Variants in GLI3 observed in about 807,000 individuals in gnomAD.
GLI3 encodes GLI family zinc finger 3.
GLI3 carries 20 observed loss-of-function variants against 100.8 expected under a neutral mutation model. That is an observed-to-expected ratio of 0.20 (90% CI 0.14 to 0.29). The LOEUF (loss-of-function observed/expected upper bound fraction) is 0.29. Ranked by LOEUF, GLI3 falls within the 10% of genes least tolerant of loss-of-function variation. GLI3 has a pLI of 1.00. For missense variants in GLI3, 2,040 were observed against 2,128.5 expected, an observed-to-expected ratio of 0.96 and a Z score of 0.82; for synonymous variants, 938 against 860.5, an observed-to-expected ratio of 1.09 and a Z score of -1.58.
At chr7:42,241,685 G>T (rs1196769408), upstream of GLI3, among the ~76,000 whole-genome samples, 1 of 152,188 alleles carries the variant, frequency 6.6e-6, no homozygotes, top group African/African-American at 2.4e-5. Context: ...ATGTAACCCA[G>T]ATGTCTGCTG....
chr7:42,061,186 G>C (rs914679339), intron 4 of GLI3, among the ~76,000 whole-genome samples: 12 of 152,104 alleles, frequency 7.9e-5, no homozygotes, highest in African/African-American at 2.7e-4. Context: ...CTTGGGTCTG[G>C]TGGCAGGTGT....
At chr7:42,083,530 C>T (rs867520757) in intron 3 of GLI3, among the ~76,000 whole-genome samples, 119 of 152,312 alleles carry the variant, frequency 7.8e-4, no homozygotes, top group African/African-American at 2.6e-3. Flanking sequence ...TGCTTTCCCA[C>T]GCCAACAACA....
At chr7:42,110,408 T>C (rs1259774428) in intron 3 of GLI3, among the ~76,000 whole-genome samples, 1 of 152,232 alleles carries the variant, frequency 6.6e-6, no homozygotes, top group Admixed American at 6.5e-5. Flanking sequence ...CTATTATGTG[T>C]CTGCATCATG....
At chr7:42,232,899 C>T (rs566080675) in intron 1 of GLI3, among the ~76,000 whole-genome samples, 91 of 152,046 alleles carry the variant, frequency 6.0e-4, no homozygotes, top group Non-Finnish European at 7.2e-4. Context: ...AAAACACTTT[C>T]ACATTTAAAA....
At chr7:42,173,577 A>G (rs1034369775) in intron 2 of GLI3, among the ~76,000 whole-genome samples, 65 of 151,694 alleles carry the variant, frequency 4.3e-4, no homozygotes, top group African/African-American at 1.5e-3. Flanking sequence ...CCCTTTTTTT[A>G]TGTGTAACCT....
chr7:41,979,223 C>T (rs1339024111), intron 10 of GLI3, among the ~76,000 whole-genome samples: 4 of 152,218 alleles, frequency 2.6e-5, no homozygotes, highest in Admixed American at 2.6e-4. Flanking sequence ...AGGGAAGGCA[C>T]ACACAGACAT....
chr7:42,155,738 A>G (rs1383812066), intron 2 of GLI3, among the ~76,000 whole-genome samples: 2 of 152,206 alleles, frequency 1.3e-5, no homozygotes, highest in Non-Finnish European at 2.9e-5. Context: ...GAGAATTCAG[A>G]TAAACGAAAA....
At chr7:42,059,006 G>A (rs564295701) in intron 4 of GLI3, among the ~76,000 whole-genome samples, 19 of 152,150 alleles carry the variant, frequency 1.2e-4, no homozygotes, top group Non-Finnish European at 2.4e-4. Context: ...ATAAGTACTT[G>A]AGAGCTAAAT....
chr7:42,192,444 A>T (rs143161381), intron 2 of GLI3, among the ~76,000 whole-genome samples: 1 of 152,166 alleles, frequency 6.6e-6, no homozygotes. Flanking sequence ...ACAAAACCTG[A>T]GACAAGGTAT....
chr7:42,146,459 T>C (rs1400769487), intron 3 of GLI3, among the ~76,000 whole-genome samples: 1 of 152,212 alleles, frequency 6.6e-6, no homozygotes, highest in African/African-American at 2.4e-5. Context: ...GCAAGTTGAA[T>C]GGCACAGAGA....
In GLI3 at chr7:42,120,686, C is replaced by T. The variant is rs934276948; in HGVS notation, c.367+27540G>A. Among the ~76,000 whole-genome samples the T allele has an allele frequency of 4.6e-5, 7 of 152,258 alleles. No homozygotes were observed. In the East Asian group the frequency reaches 1.4e-3, roughly 29 times the overall value. On this transcript the variant is annotated intron_variant, in intron 3 of 14. Transcript: ENST00000395925. Reference sequence around the variant, plus strand: ...TATTTCAAAGAATATAAGGAAGAAGCTGAAATTAGACATATACTCTGAATG... The same window carrying T: ...TATTTCAAAGAATATAAGGAAGAAGTTGAAATTAGACATATACTCTGAATG...
chr7:42,007,039 C>T (rs1022275994), intron 10 of GLI3, among the ~76,000 whole-genome samples: 1 of 151,830 alleles, frequency 6.6e-6, no homozygotes, highest in Non-Finnish European at 1.5e-5. Flanking sequence ...TTTAGCTCAG[C>T]CTCAGCTTAG....
intron 3 of GLI3, among the ~76,000 whole-genome samples, chr7:42,097,845 G>A (rs772173380): frequency 6.6e-6 from 1 of 152,134 alleles, no homozygotes; most frequent in Non-Finnish European, 1.5e-5. Context: ...CTAGTGGACA[G>A]ATGTCAGGGT....
chr7:42,000,689 A>G (rs944849813), intron 10 of GLI3, among the ~76,000 whole-genome samples: 5 of 152,208 alleles, frequency 3.3e-5, no homozygotes, highest in African/African-American at 1.2e-4. Context: ...TGTGGCTAGA[A>G]GGCTGAGGGG....
intron 10 of GLI3, among the ~76,000 whole-genome samples, chr7:42,010,378 C>A (rs1788579997): frequency 6.6e-6 from 1 of 152,180 alleles, no homozygotes; most frequent in East Asian, 1.9e-4. Context: ...AGTTATGCTT[C>A]TTCTAAGTGT....
intron 3 of GLI3, among the ~76,000 whole-genome samples, chr7:42,087,006 T>C (rs1785116367): frequency 6.6e-6 from 1 of 152,066 alleles, no homozygotes; most frequent in Admixed American, 6.5e-5. Context: ...AGGTCAGAAC[T>C]GTCTTCTTTC....
chr7:42,179,709 G>A (rs1787552777), intron 2 of GLI3, among the ~76,000 whole-genome samples: 1 of 152,074 alleles, frequency 6.6e-6, no homozygotes, highest in Admixed American at 6.6e-5. Context: ...GGGTATGGGT[G>A]TGTGTATGTG....
rs548602503 is a variant in GLI3 at position 42,202,998 on chromosome 7, T to C, written c.124+20132A>G. The stretch of plus-strand genomic sequence containing the variant: ...AACTAGGGAAAGGAGGAGCTGACCA[T>C]GGGAGGCATGAACATTCCCACCCCA... On this transcript the variant is annotated intron_variant, in intron 2 of 14. Transcript: ENST00000395925. Among the ~76,000 whole-genome samples the C allele has an allele frequency of 3.3e-5, 5 of 152,318 alleles. No homozygotes were observed. In the South Asian group the frequency reaches 1.0e-3, roughly 32 times the overall value.
intron 6 of GLI3, 104 bp from the exon 7 acceptor site, chr7:42,040,343 C>G (rs1784107606): frequency 2.3e-6 from 2 of 852,932 alleles, no homozygotes; most frequent in Non-Finnish European, 4.0e-6. Flanking sequence ...AAGAAGCTGG[C>G]AACTTGCGGT....
Sources: gnomAD v4.1 joint callset for allele counts (sites outside exome capture counted in the v4.1 genomes callset) on GRCh38, gnomAD v4.1.1 for gene constraint, MANE v1.5 for transcripts, NCBI Gene and HGNC (gene_info 2026-07-23, HGNC 2026-07-21) for gene names.